The following GALR2 variants were observed in gnomAD, a reference collection of about 807,000 sequenced individuals.
The protein encoded by GALR2 is galanin receptor 2, also known as galanin receptor type 2.
A neutral mutation model predicts 7.2 loss-of-function variants in GALR2; 5 were observed. The observed-to-expected ratio is 0.69, with a 90% CI of 0.36 to 1.45. GALR2 has a LOEUF of 1.45. GALR2 is among the 40% of genes most tolerant of loss of function. GALR2 has a pLI of 0.03. For synonymous variants in GALR2, 300 were observed against 263.9 expected (o/e 1.14, Z -1.32); for missense variants, 561 against 555.7 (o/e 1.01, Z -0.10).
At chr17:76,073,316 A>G (rs1469145233), upstream of GALR2, among the ~76,000 whole-genome samples, 31 of 140,748 alleles carry the variant, frequency 2.2e-4, no homozygotes, top group Non-Finnish European at 4.6e-4. Context: ...TTTTTTTTAG[A>G]TAGAGTTTCG....
Position 76,077,131 on chromosome 17 carries a change from C to A in GALR2, c.864C>A (p.Asn288Lys). Residue 288 changes from asparagine (N) to lysine (K), a missense_variant, in exon 2 of 2, where the codon AAC (asparagine) becomes AAA (lysine). Transcript: ENST00000329003. ...HLVSYANSCVNPIVYALVSKH... is the reference protein window; with the variant it reads ...HLVSYANSCVKPIVYALVSKH... ...TCTCCTACGCCAACTCCTGCGTCAACCCCATCGTTTACGCGCTGGTCTCCA... is the reference window on the plus strand; with the variant it reads ...TCTCCTACGCCAACTCCTGCGTCAAACCCATCGTTTACGCGCTGGTCTCCA... 6.2e-7 allele frequency: 1 copy of A among 1,612,966 alleles called. No individual in the cohort carries two copies. The highest frequency in any genetic ancestry group is 8.5e-7 in the Non-Finnish European group (1 of 1,179,876).
chr17:76,072,654 G>T, upstream of GALR2: 2 of 1,353,604 alleles, frequency 1.5e-6, no homozygotes, highest in South Asian at 1.6e-5. This position sits in a 1 kb window ranked among gnomAD's most constrained non-coding sequence, Gnocchi z 4.5. Flanking sequence ...CCTGCGCGAG[G>T]GATCCTGTCA....
chr17:76,075,060 T>A lies in GALR2; in HGVS notation c.177T>A (p.Thr59=), dbSNP rs752531667. The change falls in exon 1 of 2, where the codon ACT becomes ACA. Residue 59 remains threonine, a synonymous_variant. Transcript: ENST00000329003. The surrounding 1 kb of genome is among the most constrained non-coding windows in gnomAD (Gnocchi z 5.9). ...TGCGCGGCGGCCAGGCGGTCAGCAC[T>A]ACCAACCTGTTCATCCTTAACCTGG... is the stretch of plus-strand genomic sequence containing the variant. ...VLLRGGQAVS[T]TNLFILNLGV... is the part of the protein sequence containing the mutation. The A allele has an allele frequency of 1.4e-5, 22 of 1,611,692 alleles. No homozygotes were observed. The highest frequency in any genetic ancestry group is 1.8e-5 in the Non-Finnish European group (21 of 1,179,974).
Position 76,075,339 on chromosome 17 carries a change from G to T in GALR2, c.368+88G>T. 1 of 1,392,576 alleles carries T rather than the reference G, an allele frequency of 7.2e-7. No homozygotes were observed. The highest frequency in any genetic ancestry group is 9.8e-7 in the Non-Finnish European group (1 of 1,017,732). The allele number at this position is 1,392,576 out of a possible 1,614,324, so 86.3% of individuals were successfully genotyped here. ...GGGACTGGGGACCAAGAAGGGACGC[G>T]CAGAGTGGGACAGGACACTAAGAAG... On this transcript the variant is annotated intron_variant, in intron 1 of 1. Transcript: ENST00000329003. The surrounding 1 kb of genome is among the most constrained non-coding windows in gnomAD (Gnocchi z 5.9).
upstream of GALR2, among the ~76,000 whole-genome samples, chr17:76,073,209 C>T (rs539119837): frequency 6.6e-6 from 1 of 151,852 alleles, no homozygotes; most frequent in East Asian, 1.9e-4. Context: ...ATGTTGGGCA[C>T]GTAACTTAAT....
At chr17:76,072,941 A>T (rs1016997494), upstream of GALR2, among the ~76,000 whole-genome samples, 2 of 151,294 alleles carry the variant, frequency 1.3e-5, no homozygotes, top group Non-Finnish European at 3.0e-5. This position sits in a 1 kb window ranked among gnomAD's most constrained non-coding sequence, Gnocchi z 4.5. Flanking sequence ...TCCGTAAGGG[A>T]CCCGCCTCTG....
At chr17:76,072,690 T>C (rs1378721994), upstream of GALR2, 1 of 1,104,294 alleles carries the variant, frequency 9.1e-7, no homozygotes, top group Non-Finnish European at 1.2e-6. This position sits in a 1 kb window ranked among gnomAD's most constrained non-coding sequence, Gnocchi z 4.5. Flanking sequence ...TGTGGCTGGC[T>C]AGGTGGGGAC....
upstream of GALR2, among the ~76,000 whole-genome samples, chr17:76,074,407 T>C (rs558513949): frequency 2.0e-5 from 3 of 152,268 alleles, no homozygotes; most frequent in Non-Finnish European, 4.4e-5. The surrounding 1 kb of genome is among the most constrained non-coding windows in gnomAD (Gnocchi z 6.7). Context: ...TCCCGGGATA[T>C]CCTGCACCCC....
At position 76,075,841 on chromosome 17, in the gene GALR2, T is replaced by G. The variant is rs1472639767; in HGVS notation, c.368+590T>G. On this transcript the variant is annotated intron_variant, in intron 1 of 1. Coordinates refer to ENST00000329003, the MANE Select transcript of GALR2 (RefSeq NM_003857.4). This position sits in a 1 kb window ranked among gnomAD's most constrained non-coding sequence, Gnocchi z 5.9. ...GGTCCCTAGCTCAGTCCCAGCCCAC[T>G]CTGCCTCTCGCCTCCAAACAAAACA... Among the ~76,000 whole-genome samples, 1 of 152,160 alleles carries G rather than the reference T, an allele frequency of 6.6e-6. No individual in the cohort carries two copies. Among genetic ancestry groups the G allele is most frequent in the African/African-American group, 2.4e-5 (1 of 41,426 alleles).
Position 76,075,243 on chromosome 17 carries a change from C to A in GALR2, c.360C>A (p.Ser120=). The A allele has an allele frequency of 1.2e-6, 2 of 1,601,290 alleles. No homozygotes were observed. The highest frequency in any genetic ancestry group is 1.7e-6 in the Non-Finnish European group (2 of 1,178,224). ...GCAGCTTCACGCTGGCCGCCGTCTCCCTGGACAGGTGAGCCAGCGCCTTGG... is the reference window on the plus strand; with the variant it reads ...GCAGCTTCACGCTGGCCGCCGTCTCACTGGACAGGTGAGCCAGCGCCTTGG... The part of the protein sequence containing the change: ...HASSFTLAAV[S]LDRYLAIRYP... The change falls in exon 1 of 2, where the codon TCC becomes TCA. Residue 120 remains serine (S), a synonymous_variant. Transcript: ENST00000329003. This position sits in a 1 kb window ranked among gnomAD's most constrained non-coding sequence, Gnocchi z 5.9.
upstream of GALR2, among the ~76,000 whole-genome samples, chr17:76,074,564 C>T (rs975816922): frequency 2.6e-5 from 4 of 152,254 alleles, no homozygotes; most frequent in Non-Finnish European, 4.4e-5. This position sits in a 1 kb window ranked among gnomAD's most constrained non-coding sequence, Gnocchi z 6.7. Context: ...CCCAGAACCC[C>T]CGACTGCGGG....
At position 76,076,617 on chromosome 17, in the gene GALR2, C is replaced by T; in HGVS notation, c.369-19C>T. ...ATGTGCCCGCTCAGCCGACGTCTCC[C>T]TTCCCGGTCTGACCGCAGGTATCTG... On this transcript the variant is annotated intron_variant, in intron 1 of 1. Coordinates refer to ENST00000329003, the MANE Select transcript of GALR2 (RefSeq NM_003857.4). This position sits in a 1 kb window ranked among gnomAD's most constrained non-coding sequence, Gnocchi z 6.5. The T allele has an allele frequency of 6.5e-7, 1 of 1,542,296 alleles. No individual in the cohort carries two copies. The highest frequency in any genetic ancestry group is 2.3e-5 in the East Asian group (1 of 44,254).
At position 76,076,156 on chromosome 17, in the gene GALR2, C is replaced by T. The variant is rs2066887460; in HGVS notation, c.369-480C>T. Among the ~76,000 whole-genome samples the T allele has an allele frequency of 6.6e-6, 1 of 152,260 alleles. No homozygotes were observed. The stretch of plus-strand genomic sequence containing the variant: ...TGGTGGGATCCACAAAGCTCGCATT[C>T]TCTCAGGAATCCCCTGAGAAATTAA... On this transcript the variant is annotated intron_variant, in intron 1 of 1. Coordinates refer to ENST00000329003, the MANE Select transcript of GALR2 (RefSeq NM_003857.4). The surrounding 1 kb of genome is among the most constrained non-coding windows in gnomAD (Gnocchi z 6.5).
rs760691665 is a variant in GALR2 at position 76,076,795 on chromosome 17, T to A, written c.528T>A (p.His176Gln). 1.2e-6 allele frequency: 2 copies of A among 1,605,980 alleles called. No homozygotes were observed. Among genetic ancestry groups the A allele is most frequent in the Non-Finnish European group, 1.7e-6 (2 of 1,179,838 alleles). The change falls in exon 2 of 2, where the codon CAT becomes CAA. Residue 176 changes from histidine (H) to glutamine (Q), a missense_variant. Transcript: ENST00000329003. This position sits in a 1 kb window ranked among gnomAD's most constrained non-coding sequence, Gnocchi z 6.5. Reference sequence around the variant, plus strand: ...AGCTGGCCAACCTGACCGTGTGCCATCCCGCGTGGAGCGCCCCTCGCCGCC... The same window carrying A: ...AGCTGGCCAACCTGACCGTGTGCCAACCCGCGTGGAGCGCCCCTCGCCGCC... ...QSQLANLTVC[H>Q]PAWSAPRRRA...
chr17:76,075,081 C>T lies in GALR2; in HGVS notation c.198C>T (p.Asn66=). 3.7e-6 allele frequency: 6 copies of T among 1,612,136 alleles called. No homozygotes were observed. The highest frequency in any genetic ancestry group is 3.3e-5 in the South Asian group (3 of 90,994). The change falls in exon 1 of 2, where the codon AAC becomes AAT. Residue 66 remains asparagine (N), a synonymous_variant. Transcript: ENST00000329003. This position sits in a 1 kb window ranked among gnomAD's most constrained non-coding sequence, Gnocchi z 5.9. Reference sequence around the variant, plus strand: ...GCACTACCAACCTGTTCATCCTTAACCTGGGCGTGGCCGACCTGTGTTTCA... The same window carrying T: ...GCACTACCAACCTGTTCATCCTTAATCTGGGCGTGGCCGACCTGTGTTTCA... The part of the protein sequence containing the change: ...AVSTTNLFIL[N]LGVADLCFIL...
Position 76,076,105 on chromosome 17 carries a change from G to T in GALR2, c.369-531G>T, listed in dbSNP as rs1026490469. Reference sequence around the variant, plus strand: ...CCCACACCTCCTGTAGCCACTGAGCGCGAAGTGCGTTGGTTCCGAGCGCGC... The same window carrying T: ...CCCACACCTCCTGTAGCCACTGAGCTCGAAGTGCGTTGGTTCCGAGCGCGC... On this transcript the variant is annotated intron_variant, in intron 1 of 1. Coordinates refer to ENST00000329003, the MANE Select transcript of GALR2 (RefSeq NM_003857.4). This position sits in a 1 kb window ranked among gnomAD's most constrained non-coding sequence, Gnocchi z 6.5. Among the ~76,000 whole-genome samples the T allele has an allele frequency of 2.6e-5, 4 of 152,246 alleles. No homozygotes were observed. The highest frequency in any genetic ancestry group is 9.6e-5 in the African/African-American group (4 of 41,472).
Position 76,077,029 on chromosome 17 carries a change from G to A in GALR2, c.762G>A (p.Ala254=). The change falls in exon 2 of 2, where the codon GCG becomes GCA. Residue 254 remains alanine, a synonymous_variant. Coordinates refer to ENST00000329003, the MANE Select transcript of GALR2 (RefSeq NM_003857.4). ...GCCTCTGCTGGATGCCCCACCACGC[G>A]CTCATCCTCTGCGTGTGGTTCGGCC... ...LFCLCWMPHH[A]LILCVWFGQF... is the part of the protein sequence containing the mutation. 1 of 1,612,544 alleles carries A rather than the reference G, an allele frequency of 6.2e-7. No homozygotes were observed.
upstream of GALR2, chr17:76,072,193 C>T (rs2066858248): frequency 1.3e-6 from 2 of 1,564,160 alleles, no homozygotes; most frequent in Non-Finnish European, 1.7e-6. This position sits in a 1 kb window ranked among gnomAD's most constrained non-coding sequence, Gnocchi z 4.5. Context: ...GCGAGAGAAA[C>T]TGCAACCCTC....
Position 76,077,356 on chromosome 17 carries a change from C to A in GALR2, c.1089C>A (p.Ile363=). 1 of 1,536,358 alleles carries A rather than the reference C, an allele frequency of 6.5e-7. No homozygotes were observed. Among genetic ancestry groups the A allele is most frequent in the Non-Finnish European group, 8.7e-7 (1 of 1,148,598 alleles). The change falls in exon 2 of 2, where the codon ATC becomes ATA. Residue 363 remains isoleucine (I), a synonymous_variant. Transcript: ENST00000329003. The stretch of plus-strand genomic sequence containing the variant: ...GCCCCGGCGCTTCCCAGCCATGCAT[C>A]CTCGAGCCCTGTCCTGGCCCGTCCT... ...RPCPGASQPC[I]LEPCPGPSWQ...
Sources: gnomAD v4.1 joint callset for allele counts (sites outside exome capture counted in the v4.1 genomes callset) on GRCh38, gnomAD v4.1.1 for gene constraint, Gnocchi (gnomAD v3.1) non-coding constraint, MANE v1.5 for transcripts, NCBI Gene and HGNC (gene_info 2026-07-23, HGNC 2026-07-21) for gene names.